SDK1: variants seen among roughly 807,000 people sequenced by gnomAD.
The protein encoded by SDK1 is protein sidekick-1.
In SDK1, 157 loss-of-function variants were observed where a neutral mutation model predicts 245.5. That is an observed-to-expected ratio of 0.64 (90% CI 0.56 to 0.73). SDK1 has a LOEUF of 0.73. Among genes scored for constraint, SDK1 ranks in the 30% least tolerant of loss-of-function variants. The pLI, the probability that SDK1 is intolerant of heterozygous loss-of-function variation, is 0.00. For synonymous variants in SDK1, 1,647 were observed against 1,278.5 expected (o/e 1.29, Z -6.15); for missense variants, 3,583 against 3,002.3 (o/e 1.19, Z -4.52).
chr7:3,736,163 T>A (rs1311978338), intron 4 of SDK1, among the ~76,000 whole-genome samples: 1 of 152,254 alleles, frequency 6.6e-6, no homozygotes, highest in Non-Finnish European at 1.5e-5. Flanking sequence ...GTTAGTTTTG[T>A]CCTTTGATGG....
At chr7:3,518,852 T>A (rs1440933766) in intron 1 of SDK1, among the ~76,000 whole-genome samples, 1 of 152,144 alleles carries the variant, frequency 6.6e-6, no homozygotes, top group Non-Finnish European at 1.5e-5. Context: ...ACTTCTGTGT[T>A]TATTGTAGCA....
Position 4,264,320 on chromosome 7 carries a change from G to A in SDK1, c.6382-804G>A, listed in dbSNP as rs180932705. On this transcript the variant is annotated intron_variant, in intron 44 of 44. Coordinates refer to ENST00000404826, the MANE Select transcript of SDK1 (RefSeq NM_152744.4). ...GAGGCCGTGTAGACCTCTCCTGAGT[G>A]AGGGAGGCCGCGTAGATCTCTCCTG... 2.9e-4 allele frequency among the ~76,000 whole-genome samples: 39 copies of A among 135,956 alleles called. 2 individuals carry two copies. The highest frequency in any genetic ancestry group is 1.0e-3 in the African/African-American group (36 of 36,060). The allele number at this position is 135,956 out of a possible 152,430, so 89.2% of individuals were successfully genotyped here.
chr7:4,124,657 A>G (rs915617101), intron 25 of SDK1, among the ~76,000 whole-genome samples: 14 of 152,240 alleles, frequency 9.2e-5, no homozygotes, highest in Admixed American at 7.9e-4. Flanking sequence ...TTCAAGCCAT[A>G]ACAAAGATCA....
chr7:3,467,244 T>A (rs1781035817), intron 1 of SDK1, among the ~76,000 whole-genome samples: 1 of 152,118 alleles, frequency 6.6e-6, no homozygotes, highest in Non-Finnish European at 1.5e-5. Context: ...TTCCAAAAAT[T>A]AAAAGCACAG....
intron 22 of SDK1, among the ~76,000 whole-genome samples, chr7:4,082,865 T>A (rs549344431): frequency 1.3e-5 from 2 of 152,202 alleles, no homozygotes; most frequent in African/African-American, 4.8e-5. Flanking sequence ...AAGCGATCTG[T>A]CAGCCTCGGC....
At chr7:3,898,346 G>C (rs997218375) in intron 5 of SDK1, among the ~76,000 whole-genome samples, 5 of 152,170 alleles carry the variant, frequency 3.3e-5, no homozygotes, top group African/African-American at 1.2e-4. Context: ...GCAGACATGG[G>C]ACAAGCCTGC....
intron 1 of SDK1, among the ~76,000 whole-genome samples, chr7:3,440,287 A>C (rs1282518816): frequency 6.6e-6 from 1 of 152,182 alleles, no homozygotes. Context: ...TTTCAAATGA[A>C]GGAGTCCACC....
At position 3,999,834 on chromosome 7, in the gene SDK1, C is replaced by T. The variant is rs958367755; in HGVS notation, c.2132-11132C>T. On this transcript the variant is annotated intron_variant, in intron 14 of 44. Transcript: ENST00000404826. ...AGGGAGAGTTCTTATCTCCCCCCACCATGAGGGAGCACTGCTAGCAGCCTC... is the reference window on the plus strand; with the variant it reads ...AGGGAGAGTTCTTATCTCCCCCCACTATGAGGGAGCACTGCTAGCAGCCTC... Among the ~76,000 whole-genome samples the T allele has an allele frequency of 9.9e-5, 15 of 152,162 alleles. 1 individual carries two copies. The highest frequency in any genetic ancestry group is 2.1e-4 in the South Asian group (1 of 4,826).
chr7:4,138,636 A>G (rs1779253086), intron 28 of SDK1, among the ~76,000 whole-genome samples: 1 of 151,954 alleles, frequency 6.6e-6, no homozygotes, highest in African/African-American at 2.4e-5. Context: ...AATCCCACCT[A>G]CTTGGGAGGC....
intron 17 of SDK1, among the ~76,000 whole-genome samples, chr7:4,022,300 A>G (rs1201240953): frequency 6.6e-6 from 1 of 152,248 alleles, no homozygotes; most frequent in Non-Finnish European, 1.5e-5. Context: ...GCCCTAGGCC[A>G]GCCAGCCTCA....
intron 1 of SDK1, among the ~76,000 whole-genome samples, chr7:3,407,147 G>C (rs1029127518): frequency 6.6e-6 from 1 of 152,162 alleles, no homozygotes; most frequent in Admixed American, 6.5e-5. Flanking sequence ...GATGCGTGGG[G>C]TGAAAGAAGT....
intron 17 of SDK1, 104 bp from the exon 18 acceptor site, chr7:4,049,244 T>C (rs17134285): frequency 0.099 from 76,604 of 777,110 alleles, 4,211 homozygotes; most frequent in African/African-American, 0.12. Context: ...AGTGCAATAA[T>C]TGCCTGTGAG....
At chr7:4,133,889 C>A (rs1785029098) in intron 28 of SDK1, among the ~76,000 whole-genome samples, 1 of 152,204 alleles carries the variant, frequency 6.6e-6, no homozygotes. Context: ...CCCAGACTTA[C>A]AAACAGGTGG....
chr7:4,142,124 G>A (rs906094422), intron 28 of SDK1, among the ~76,000 whole-genome samples: 1 of 152,168 alleles, frequency 6.6e-6, no homozygotes, highest in African/African-American at 2.4e-5. Context: ...TCAGTGAGAT[G>A]ATCCCACCTC....
At chr7:3,732,563 C>T (rs138152702) in intron 4 of SDK1, among the ~76,000 whole-genome samples, 54 of 152,294 alleles carry the variant, frequency 3.5e-4, no homozygotes, top group Non-Finnish European at 6.3e-4. Context: ...CTAATAATTA[C>T]ACTTTTGTTC....
At chr7:3,495,485 C>A (rs936297789) in intron 1 of SDK1, among the ~76,000 whole-genome samples, 1 of 151,986 alleles carries the variant, frequency 6.6e-6, no homozygotes, top group Non-Finnish European at 1.5e-5. Context: ...TCTTGAACAC[C>A]CAGCCTCAAG....
chr7:3,558,964 T>A (rs1274101541), intron 1 of SDK1, among the ~76,000 whole-genome samples: 1 of 152,186 alleles, frequency 6.6e-6, no homozygotes, highest in Non-Finnish European at 1.5e-5. Context: ...ACTTAGATTG[T>A]TTGAAAGAAG....
chr7:3,995,756 G>A (rs906738551), intron 14 of SDK1, among the ~76,000 whole-genome samples: 6 of 151,766 alleles, frequency 4.0e-5, no homozygotes, highest in African/African-American at 1.5e-4. Context: ...TTGGCTTTGA[G>A]CACTTTCTCT....
chr7:3,501,271 G>C (rs1290188285), intron 1 of SDK1, among the ~76,000 whole-genome samples: 1 of 152,004 alleles, frequency 6.6e-6, no homozygotes, highest in Non-Finnish European at 1.5e-5. Context: ...CCTTAGGGAA[G>C]ACTCCTTCAG....
Sources: allele counts gnomAD v4.1 joint callset (sites outside exome capture counted in the v4.1 genomes callset), GRCh38; gene constraint gnomAD v4.1.1; transcripts MANE v1.5; gene names NCBI Gene and HGNC (gene_info 2026-07-23, HGNC 2026-07-21).